The following HELZ2 variants were observed in gnomAD, a reference collection of about 807,000 sequenced individuals.
HELZ2 encodes the protein 3'-5' exoribonuclease HELZ2.
Under a neutral mutation model 208.8 loss-of-function variants are expected in HELZ2, and 143 were observed. The ratio of observed to expected loss-of-function variants is 0.68; its 90% confidence interval spans 0.60 to 0.79. HELZ2 has a LOEUF of 0.79. Ranked by LOEUF, HELZ2 falls within the 30% of genes least tolerant of loss-of-function variation. The pLI, the probability that HELZ2 is intolerant of heterozygous loss-of-function variation, is 0.00. For synonymous variants in HELZ2, 1,705 were observed against 1,693.7 expected, an observed-to-expected ratio of 1.01 and a Z score of -0.16; for missense variants, 3,690 against 3,794.5, an observed-to-expected ratio of 0.97 and a Z score of 0.72.
exon 5 of HELZ2, chr20:63,568,931 G>A (rs748068037): frequency 3.3e-5 from 53 of 1,608,388 alleles, no homozygotes; most frequent in Non-Finnish European, 4.2e-5. Context: ...TCCCGGAGGC[G>A]CGAAGAGCAT....
At chr20:63,572,060 A>T (rs111826547) in intron 1 of HELZ2, 48 bp downstream of exon 2, 2 of 1,530,954 alleles carry the variant, frequency 1.3e-6, no homozygotes, top group Admixed American at 1.9e-5. Flanking sequence ...GGTTCTGCCT[A>T]TGGTGGGCTC....
At chr20:63,574,102 T>G (rs1251844003), upstream of HELZ2, 32 of 8,800 alleles carry the variant, frequency 3.6e-3, no homozygotes, top group African/African-American at 0.016. Flanking sequence ...CCCGCCACCC[T>G]GGGACCCCCG....
exon 8 of HELZ2, chr20:63,563,360 A>T (rs3810486): frequency 4.6e-6 from 7 of 1,537,600 alleles, no homozygotes; most frequent in Non-Finnish European, 6.1e-6. Flanking sequence ...CTCCACGGCC[A>T]GGGTGTGTGG....
chr20:63,561,058 TGCCCACACCCCCC>T lies in HELZ2; in HGVS notation c.7146+11_7146+23del, dbSNP rs1204082665. ...CTGTGCCAGGGACGCCTGCTCATGC[TGCCCACACCCCCC>T]GCCGACCAACCTTCTCGGCCTGTGG... On this transcript the variant is annotated intron_variant, in intron 14 of 18. Coordinates refer to ENST00000467148, the Ensembl canonical transcript of HELZ2. 1 of 1,602,896 alleles carries T rather than the reference TGCCCACACCCCCC, an allele frequency of 6.2e-7. No individual in the cohort carries two copies. The highest frequency in any genetic ancestry group is 8.5e-7 in the Non-Finnish European group (1 of 1,173,632).
exon 4 of HELZ2, chr20:63,569,566 C>T (rs1168066286): frequency 6.3e-7 from 1 of 1,597,414 alleles, no homozygotes; most frequent in South Asian, 1.1e-5. Context: ...CGGAAGCGCT[C>T]ACCCCGTGCG....
chr20:63,561,240 C>T lies in HELZ2; in HGVS notation c.6988G>A (p.Glu2330Lys), dbSNP rs764763917. ...AGGATGACCTCATGCCGGTCCAGCTCGAACTTCCGAGCCTCCCACAAGACC... is the reference window on the plus strand; with the variant it reads ...AGGATGACCTCATGCCGGTCCAGCTTGAACTTCCGAGCCTCCCACAAGACC... The change falls in exon 14 of 19, where the codon GAG becomes AAG. Residue 2330 changes from glutamate to lysine, a missense_variant. Glu to Lys is a moderately conservative substitution (Grantham distance 56). Around this residue, in one of 3 missense-constraint regions of HELZ2, gnomAD observed 2,564 missense variants for 2,580.5 expected, o/e 0.99. Transcript: ENST00000467148. 9 of 1,612,754 alleles carry T rather than the reference C, an allele frequency of 5.6e-6. No individual in the cohort carries two copies. The South Asian group carries it at 6.6e-5, about 12-fold the overall frequency.
chr20:63,560,491 C>T, exon 16 of HELZ2: 1 of 1,611,422 alleles, frequency 6.2e-7, no homozygotes, highest in South Asian at 1.1e-5. Flanking sequence ...CCTCAGCCAC[C>T]TCCTCCAGGT....
rs774410730 is a variant in HELZ2 at position 63,563,951 on chromosome 20, G to A, written c.4871C>T (p.Thr1624Met). 21 of 1,595,836 alleles carry A rather than the reference G, an allele frequency of 1.3e-5. No individual in the cohort carries two copies. The East Asian group carries it at 1.8e-4, about 14-fold the overall frequency. The stretch of plus-strand genomic sequence containing the variant: ...AGCCAGGAATGGGTGCATGTCGTCC[G>A]TGGTGACCAAGTCCACCATCTGTTC... Residue 1624 changes from threonine to methionine, a missense_variant, in exon 8 of 19, where the codon ACG (threonine) becomes ATG (methionine). By Grantham distance (81) the Thr-to-Met change is moderately conservative. Coordinates refer to ENST00000467148, the Ensembl canonical transcript of HELZ2.
chr20:63,564,401 T>G lies in HELZ2; in HGVS notation c.4421A>C (p.Glu1474Ala), dbSNP rs2082925324. Residue 1474 changes from glutamate to alanine, a missense_variant, in exon 8 of 19, where the codon GAG (glutamate) becomes GCG (alanine). This residue lies in a region of HELZ2 where 2,564 missense variants were observed against 2,580.5 expected (regional missense o/e 0.99). Coordinates refer to ENST00000467148, the Ensembl canonical transcript of HELZ2. ...CACGGAGTCCAGGCGGGCCGGCAGC[T>G]CACGGCCGGCACCCGGGTGCTGCCT... 3.9e-6 allele frequency: 6 copies of G among 1,545,966 alleles called. No homozygotes were observed. The East Asian group carries it at 1.5e-4, about 38-fold the overall frequency.
At chr20:63,568,778 C>A (rs1366574748) in exon 5 of HELZ2, 5 of 1,610,496 alleles carry the variant, frequency 3.1e-6, no homozygotes, top group African/African-American at 1.3e-5. Flanking sequence ...GCTGGCCCGC[C>A]TCTCCAGCCG....
At chr20:63,560,958 CACCCCT>C (rs2082878992) in intron 14 of HELZ2, 29 bp from the exon 16 acceptor site, 1 of 1,608,212 alleles carries the variant, frequency 6.2e-7, no homozygotes, top group Admixed American at 1.7e-5. Context: ...CTGGCCCTGA[CACCCCT>C]AGACCCAGAG....
rs896366908 is a variant in HELZ2, at chr20:63,563,558, C to G, written c.5264G>C (p.Arg1755Pro). 83 of 1,519,928 alleles carry G rather than the reference C, an allele frequency of 5.5e-5. No homozygotes were observed. Among genetic ancestry groups the G allele is most frequent in the Middle Eastern group, 1.7e-4 (1 of 5,894 alleles). 94.2% of individuals were successfully genotyped at this position (1,519,928 alleles called of 1,614,324 possible). Residue 1755 changes from arginine to proline, a missense_variant, in exon 8 of 19, where the codon CGG becomes CCG. Transcript: ENST00000467148. ...CTCCCGGTTGCTGGGGAAGAGCAGC[C>G]GGAAGCAGCGGGAGCCCGCCTCCAC...
chr20:63,572,183 A>G (rs973988310), exon 1 of HELZ2: 45 of 1,609,896 alleles, frequency 2.8e-5, no homozygotes, highest in Non-Finnish European at 3.6e-5. Flanking sequence ...GTCGAAGGCC[A>G]CCATCTGTGC....
rs559579563 is a variant in HELZ2 at position 63,563,408 on chromosome 20, G to A, written c.5414C>T (p.Ser1805Phe). 2.8e-4 allele frequency: 433 copies of A among 1,535,252 alleles called. No individual in the cohort carries two copies. The highest frequency in any genetic ancestry group is 7.3e-4 in the Admixed American group (37 of 50,990). The change falls in exon 8 of 19, where the codon TCC becomes TTC. Residue 1805 changes from serine to phenylalanine, a missense_variant. This residue lies in a region of HELZ2 where 2,564 missense variants were observed against 2,580.5 expected (regional missense o/e 0.99). Coordinates refer to ENST00000467148, the Ensembl canonical transcript of HELZ2. ...GCCAGGCAGTGGCAGGGGCGGGCTG[G>A]ATCCCTGCGCTGAGTAGACACGGCG...
At chr20:63,559,146 G>T, downstream of HELZ2, 1 of 1,316,302 alleles carries the variant, frequency 7.6e-7, no homozygotes, top group Non-Finnish European at 1.0e-6. Flanking sequence ...CCAGGAGGCA[G>T]GCTGGCCCAG....
At chr20:63,560,582 G>A (rs749826344) in exon 16 of HELZ2, 5 of 1,612,468 alleles carry the variant, frequency 3.1e-6, no homozygotes, top group Non-Finnish European at 4.2e-6. Context: ...AAAGATGACA[G>A]GGCAGCTCTC....
rs776854465 is a variant in HELZ2 at position 63,560,464 on chromosome 20, G to A, written c.7500+15C>T. The A allele has an allele frequency of 6.8e-6, 11 of 1,606,106 alleles. No homozygotes were observed. The highest frequency in any genetic ancestry group is 1.3e-5 in the African/African-American group (1 of 74,806). ...CCAGAAAGCCCTCCCTGACTCACAG[G>A]CACCAGACACTCACCACCTCAGCCA... is the stretch of plus-strand genomic sequence containing the variant. On this transcript the variant is annotated intron_variant, in intron 16 of 18. Coordinates refer to ENST00000467148, the Ensembl canonical transcript of HELZ2.
chr20:63,566,819 G>A (rs2082964762), intron 6 of HELZ2, 25 bp downstream of exon 7: 11 of 1,567,602 alleles, frequency 7.0e-6, no homozygotes, highest in Non-Finnish European at 8.6e-6. Flanking sequence ...GCGGTCGGGG[G>A]CTGTCCCGGG....
rs371617866 is a variant in HELZ2 at position 63,564,189 on chromosome 20, A to T, written c.4633T>A (p.Cys1545Ser). The change falls in exon 8 of 19, where the codon TGC becomes AGC. Residue 1545 changes from cysteine (C) to serine (S), a missense_variant. By Grantham distance (112) the Cys-to-Ser change is moderately radical (BLOSUM62 -1). Transcript: ENST00000467148. Reference sequence around the variant, plus strand: ...CGCAGAGGCGTGACCGTCCGCGTGCACTCGCTGCCCACCAGGAACTCAGCC... The same window carrying T: ...CGCAGAGGCGTGACCGTCCGCGTGCTCTCGCTGCCCACCAGGAACTCAGCC... 6.8e-6 allele frequency: 11 copies of T among 1,611,394 alleles called. No individual in the cohort carries two copies. In the African/African-American group the frequency reaches 1.3e-4, roughly 20 times the overall value.
Sources: allele counts gnomAD v4.1 joint callset, GRCh38; gene constraint gnomAD v4.1.1; regional missense constraint gnomAD v4.1.1; transcripts MANE v1.5; gene names NCBI Gene and HGNC (gene_info 2026-07-23, HGNC 2026-07-21).